Variants in ROBO2 observed in about 807,000 individuals in gnomAD.
ROBO2 encodes roundabout guidance receptor 2.
In ROBO2, 53 loss-of-function variants were observed where a neutral mutation model predicts 160.8. The observed-to-expected ratio is 0.33, with a 90% CI of 0.26 to 0.41. The LOEUF (loss-of-function observed/expected upper bound fraction) is 0.41, where lower values mean the gene tolerates loss of function less well. ROBO2 is among the 10% of genes least tolerant of loss of function. ROBO2 has a pLI of 1.00. For missense variants in ROBO2, 1,577 were observed against 1,722.4 expected, an observed-to-expected ratio of 0.92 and a Z score of 1.49; for synonymous variants, 664 against 611.7, an observed-to-expected ratio of 1.09 and a Z score of -1.26.
In ROBO2 at chr3:76,277,919, AGTTTTTT is replaced by A. The variant is rs1487344368; in HGVS notation, c.109+340325_109+340331del. On this transcript the variant is annotated intron_variant, in intron 2 of 26. Coordinates refer to the ROBO2 transcript ENST00000487694. ...TTTTTGTTTTTAGATTGAAAGTTAC[AGTTTTTT>A]GTTTTTTTTTTTTAACAGGAAACTC... Among the ~76,000 whole-genome samples the A allele has an allele frequency of 4.6e-5, 7 of 151,150 alleles. No homozygotes were observed. In the South Asian group the frequency reaches 8.3e-4, roughly 18 times the overall value.
chr3:77,107,880 C>A (rs2073023103), intron 2 of ROBO2, among the ~76,000 whole-genome samples: 1 of 152,106 alleles, frequency 6.6e-6, no homozygotes, highest in Admixed American at 6.6e-5. Flanking sequence ...ACTATTTTTT[C>A]CATAACATGA....
At chr3:76,567,638 TATATATATATATATACAC>T (rs1560162671) in intron 2 of ROBO2, among the ~76,000 whole-genome samples, 2 of 90,058 alleles carry the variant, frequency 2.2e-5, no homozygotes, top group Non-Finnish European at 4.5e-5. Context: ...TATATATATA[TATATATATATATATACAC>T]ATACACATAT....
intron 2 of ROBO2, among the ~76,000 whole-genome samples, chr3:77,126,825 G>A (rs1579207275): frequency 9.1e-6 from 1 of 110,206 alleles, no homozygotes; most frequent in African/African-American, 3.6e-5. Context: ...GTCGCACTCT[G>A]TCTCCCAGGC....
intron 2 of ROBO2, among the ~76,000 whole-genome samples, chr3:76,589,326 G>A (rs1245816821): frequency 6.6e-6 from 1 of 151,992 alleles, no homozygotes; most frequent in East Asian, 1.9e-4. Context: ...TTGAGACGGC[G>A]TCTGGCGCTG....
chr3:77,184,625 G>A (rs1225482586), intron 2 of ROBO2, among the ~76,000 whole-genome samples: 1 of 151,758 alleles, frequency 6.6e-6, no homozygotes, highest in Non-Finnish European at 1.5e-5. Flanking sequence ...CAGGATGGTG[G>A]GACAATGTGA....
chr3:76,817,141 C>T (rs1337828427), intron 2 of ROBO2, among the ~76,000 whole-genome samples: 1 of 152,000 alleles, frequency 6.6e-6, no homozygotes, highest in Non-Finnish European at 1.5e-5. Flanking sequence ...GTGCAGCAAA[C>T]CACCACGGCA....
chr3:77,628,832 G>T (rs191240727), intron 23 of ROBO2, among the ~76,000 whole-genome samples: 44 of 152,248 alleles, frequency 2.9e-4, no homozygotes, highest in Admixed American at 2.5e-3. Flanking sequence ...TCTTCAGATT[G>T]GGTCATGAGA....
rs541837019 is a variant in ROBO2, at chr3:76,499,582, G to T, written c.109+561980G>T. On this transcript the variant is annotated intron_variant, in intron 2 of 26. Coordinates refer to the ROBO2 transcript ENST00000487694. ...ACTGTAGGCTTTGATCACCCAATCAGTCTCTTTTGAGATCTTTTCAAAGAA... is the reference window on the plus strand; with the variant it reads ...ACTGTAGGCTTTGATCACCCAATCATTCTCTTTTGAGATCTTTTCAAAGAA... Among the ~76,000 whole-genome samples the T allele has an allele frequency of 3.9e-5, 6 of 152,246 alleles. No individual in the cohort carries two copies. The South Asian group carries it at 1.2e-3, about 32-fold the overall frequency.
intron 2 of ROBO2, among the ~76,000 whole-genome samples, chr3:76,810,564 C>G (rs1451255731): frequency 6.6e-6 from 1 of 151,916 alleles, no homozygotes; most frequent in African/African-American, 2.4e-5. Flanking sequence ...GAGGAAGACA[C>G]CAGCTAGGAG....
chr3:77,475,425 TA>T (rs927496528), intron 2 of ROBO2, among the ~76,000 whole-genome samples: 59 of 151,604 alleles, frequency 3.9e-4, no homozygotes, highest in African/African-American at 7.7e-4. Flanking sequence ...AAAGGACCTT[TA>T]AAAAAAAATG....
At position 76,858,247 on chromosome 3, in the gene ROBO2, G is replaced by A. The variant is rs143396677; in HGVS notation, c.110-239767G>A. Among the ~76,000 whole-genome samples, 302 of 152,186 alleles carry A rather than the reference G, an allele frequency of 2.0e-3. 1 individual carries two copies. The highest frequency in any genetic ancestry group is 6.6e-3 in the African/African-American group (272 of 41,506). On this transcript the variant is annotated intron_variant, in intron 2 of 26. Coordinates refer to the ROBO2 transcript ENST00000487694. ...CATTATTATTTATGTTTATCACAGT[G>A]CCAACATAAAACAAACACTCAGTAA...
At chr3:76,155,014 G>T (rs2072350672) in intron 2 of ROBO2, among the ~76,000 whole-genome samples, 2 of 152,062 alleles carry the variant, frequency 1.3e-5, no homozygotes, top group South Asian at 4.2e-4. Flanking sequence ...CCATATTAAA[G>T]ATATCCGAAA....
intron 2 of ROBO2, among the ~76,000 whole-genome samples, chr3:77,339,863 T>C (rs115402500): frequency 0.031 from 4,655 of 152,216 alleles, 240 homozygotes; most frequent in African/African-American, 0.1. Context: ...AACTGCTTAT[T>C]TGCCTGAATT....
intron 2 of ROBO2, among the ~76,000 whole-genome samples, chr3:76,068,570 A>G (rs2068339833): frequency 6.6e-6 from 1 of 152,032 alleles, no homozygotes; most frequent in Admixed American, 6.6e-5. Context: ...TGTATCATCA[A>G]TTCTCCTCTT....
At chr3:76,869,381 ACT>A (rs1470056022) in intron 2 of ROBO2, among the ~76,000 whole-genome samples, 4 of 108,698 alleles carry the variant, frequency 3.7e-5, no homozygotes, top group Non-Finnish European at 6.7e-5. Flanking sequence ...ACGGAGTCTG[ACT>A]CTGTCGCCCA....
At chr3:77,454,327 C>T (rs1048918751) in intron 2 of ROBO2, among the ~76,000 whole-genome samples, 1 of 152,064 alleles carries the variant, frequency 6.6e-6, no homozygotes, top group Admixed American at 6.6e-5. Context: ...GGTAAATTTG[C>T]AGAGTCTTCA....
chr3:77,631,922 G>T (rs146053760), intron 23 of ROBO2: 1 of 151,918 alleles, frequency 6.6e-6, no homozygotes, highest in African/African-American at 2.4e-5. Flanking sequence ...AAGTTCATTT[G>T]CTTTGATATT....
intron 2 of ROBO2, among the ~76,000 whole-genome samples, chr3:76,103,571 T>C (rs1397883258): frequency 6.6e-6 from 1 of 152,192 alleles, no homozygotes; most frequent in Non-Finnish European, 1.5e-5. Context: ...ATCATTATGT[T>C]TTTATACTGA....
At chr3:77,312,461 G>A (rs1035974918) in intron 2 of ROBO2, among the ~76,000 whole-genome samples, 1 of 152,108 alleles carries the variant, frequency 6.6e-6, no homozygotes, top group Admixed American at 6.6e-5. Context: ...CTCTAACCAA[G>A]GACACAAGAG....
Sources: gnomAD v4.1 joint callset for allele counts (sites outside exome capture counted in the v4.1 genomes callset) on GRCh38, gnomAD v4.1.1 for gene constraint, MANE v1.5 for transcripts, NCBI Gene and HGNC (gene_info 2026-07-23, HGNC 2026-07-21) for gene names.